The following LAMC3 variants were observed in gnomAD, a reference collection of about 807,000 sequenced individuals.
LAMC3 encodes laminin subunit gamma 3.
In LAMC3, 128 loss-of-function variants were observed where a neutral mutation model predicts 173.8. The ratio of observed to expected loss-of-function variants is 0.74; its 90% CI spans 0.64 to 0.85. The LOEUF (loss-of-function observed/expected upper bound fraction) is 0.85. Among genes scored for constraint, LAMC3 ranks in the 40% least tolerant of loss-of-function variants. The pLI is 0.00. For synonymous variants in LAMC3, 897 were observed against 909.1 expected (o/e 0.99, Z 0.24); for missense variants, 2,022 against 2,156.0 (o/e 0.94, Z 1.23).
intron 13 of LAMC3, among the ~76,000 whole-genome samples, chr9:131,064,057 A>G (rs1360911131): frequency 6.6e-6 from 1 of 152,066 alleles, no homozygotes; most frequent in Non-Finnish European, 1.5e-5. Flanking sequence ...ACAGGCATGC[A>G]CCACCATGCC....
chr9:131,056,057 G>A (rs979381089), intron 11 of LAMC3, among the ~76,000 whole-genome samples: 4 of 151,860 alleles, frequency 2.6e-5, no homozygotes, highest in Non-Finnish European at 5.9e-5. Context: ...TTAGCTGGGT[G>A]TGGTGCCACA....
chr9:131,023,306 C>T (rs540871681), intron 1 of LAMC3, among the ~76,000 whole-genome samples: 1 of 152,282 alleles, frequency 6.6e-6, no homozygotes, highest in South Asian at 2.1e-4. Context: ...AGTGGAATTG[C>T]TAGGTCCTGT....
chr9:131,085,937 G>A, intron 25 of LAMC3: 1 of 627,974 alleles, frequency 1.6e-6, no homozygotes, highest in Non-Finnish European at 2.9e-6. Context: ...TGAGAATGCT[G>A]AGGTGCAGCC....
chr9:131,078,110 G>GCCTTATACTCATCA (rs1461485543), intron 22 of LAMC3, among the ~76,000 whole-genome samples: 1 of 152,106 alleles, frequency 6.6e-6, no homozygotes, highest in Non-Finnish European at 1.5e-5. Flanking sequence ...TGTGCTCATC[G>GCCTTATACTCATCA]CCTTATACTC....
At chr9:131,073,363 C>CT in intron 20 of LAMC3, 42 bp downstream of exon 20, 1 of 1,491,802 alleles carries the variant, frequency 6.7e-7, no homozygotes, top group African/African-American at 1.4e-5. Flanking sequence ...GGCCCTTCTC[C>CT]TGGGGGTTCC....
chr9:131,079,024 G>A, intron 22 of LAMC3, 125 bp from the exon 23 acceptor site: 2 of 1,230,050 alleles, frequency 1.6e-6, no homozygotes, highest in Non-Finnish European at 2.3e-6. Flanking sequence ...AGGGGGCTTG[G>A]GTTCTTGGCT....
chr9:131,091,618 G>A lies in LAMC3; in HGVS notation c.4559G>A (p.Gly1520Asp). The change falls in exon 28 of 28, where the codon GGC (glycine) becomes GAC (aspartate). Residue 1520 changes from glycine (G) to aspartate (D), a missense_variant. Gly to Asp is a moderately conservative substitution (Grantham distance 94). Coordinates refer to ENST00000361069, the MANE Select transcript of LAMC3 (RefSeq NM_006059.4). ...WALERLRLQLGSPGSLQRKLS... is the reference protein window; with the variant it reads ...WALERLRLQLDSPGSLQRKLS... ...CTAGAACGCCTGAGGCTGCAGCTGG[G>A]CTCCCCGGGGTCCTTGCAGAGGAAA... 1.3e-6 allele frequency: 2 copies of A among 1,595,644 alleles called. No homozygotes were observed. Among genetic ancestry groups the A allele is most frequent in the Non-Finnish European group, 1.7e-6 (2 of 1,171,468 alleles).
chr9:131,052,914 G>C lies in LAMC3; in HGVS notation c.1888G>C (p.Ala630Pro), dbSNP rs757212621. Residue 630 changes from alanine to proline, a missense_variant, in exon 11 of 28, where the codon GCC becomes CCC. Coordinates refer to ENST00000361069, the MANE Select transcript of LAMC3 (RefSeq NM_006059.4). Reference protein sequence around the residue: ...LPPFHFQRLLANLTSLRLRVS... With the variant: ...LPPFHFQRLLPNLTSLRLRVS... The stretch of plus-strand genomic sequence containing the variant: ...CCCCTTCCACTTCCAGCGGCTCCTC[G>C]CCAACCTGACCAGCCTCCGCCTCCG... 1.2e-6 allele frequency: 2 copies of C among 1,613,460 alleles called. No homozygotes were observed. Among genetic ancestry groups the C allele is most frequent in the Admixed American group, 1.7e-5 (1 of 59,962 alleles).
intron 9 of LAMC3, 106 bp downstream of exon 9, chr9:131,049,236 T>TA (rs1277048486): frequency 1.3e-6 from 1 of 755,172 alleles, no homozygotes; most frequent in Non-Finnish European, 2.4e-6. Flanking sequence ...TTTATTCTCT[T>TA]AGAGTTCTGG....
At position 131,087,636 on chromosome 9, in the gene LAMC3, G is replaced by A. The variant is rs1484046556; in HGVS notation, c.4377+14G>A. On this transcript the variant is annotated intron_variant, in intron 26 of 27. Coordinates refer to ENST00000361069, the MANE Select transcript of LAMC3 (RefSeq NM_006059.4). ...GAAGCTGAGCGGGTACGTTTGCCAG[G>A]GCCCCTACCCTATCGCCTCCTGCCC... The A allele has an allele frequency of 3.7e-6, 6 of 1,613,810 alleles. No individual in the cohort carries two copies. The highest frequency in any genetic ancestry group is 4.2e-6 in the Non-Finnish European group (5 of 1,179,880).
chr9:131,072,408 A>G (rs1830050704), intron 18 of LAMC3, among the ~76,000 whole-genome samples: 1 of 152,136 alleles, frequency 6.6e-6, no homozygotes, highest in African/African-American at 2.4e-5. Context: ...GTCCCTGTGT[A>G]TGACTGACTT....
At chr9:131,063,808 A>G (rs1359283857) in intron 13 of LAMC3, among the ~76,000 whole-genome samples, 3 of 152,126 alleles carry the variant, frequency 2.0e-5, no homozygotes, top group Admixed American at 6.6e-5. Flanking sequence ...TTTAGAATCC[A>G]CAAGGCAGGT....
At chr9:131,046,220 T>C (rs185976983) in intron 8 of LAMC3, among the ~76,000 whole-genome samples, 2 of 127,040 alleles carry the variant, frequency 1.6e-5, no homozygotes, top group Non-Finnish European at 3.2e-5. Context: ...GGACACAGGG[T>C]CTTGCTGAGT....
chr9:131,019,806 A>C (rs1201454243), intron 1 of LAMC3, among the ~76,000 whole-genome samples: 1 of 151,904 alleles, frequency 6.6e-6, no homozygotes, highest in African/African-American at 2.4e-5. Context: ...GTGCCCATGG[A>C]GACATGGAGG....
chr9:131,027,529 TC>T (rs1833744593), intron 2 of LAMC3, among the ~76,000 whole-genome samples: 1 of 152,140 alleles, frequency 6.6e-6, no homozygotes, highest in East Asian at 1.9e-4. Context: ...AGCTGCATTG[TC>T]CCATGTGGTG....
At chr9:131,085,277 C>T (rs1471669947) in intron 24 of LAMC3, among the ~76,000 whole-genome samples, 1 of 152,216 alleles carries the variant, frequency 6.6e-6, no homozygotes, top group Non-Finnish European at 1.5e-5. Context: ...AATTCCTTGA[C>T]TTTAATAGAC....
At chr9:131,031,580 C>T (rs566269443) in intron 2 of LAMC3, among the ~76,000 whole-genome samples, 91 of 152,268 alleles carry the variant, frequency 6.0e-4, no homozygotes, top group Non-Finnish European at 1.1e-3. Flanking sequence ...GGGGGCACAC[C>T]GTCCCCCAGC....
chr9:131,054,861 A>G (rs952537840), intron 11 of LAMC3, among the ~76,000 whole-genome samples: 3 of 152,070 alleles, frequency 2.0e-5, no homozygotes, highest in African/African-American at 7.2e-5. Context: ...GGAAAAGAAA[A>G]GAAAGAAAGG....
chr9:131,032,607 T>TCTC (rs1833858680), intron 3 of LAMC3, among the ~76,000 whole-genome samples: 2 of 138,092 alleles, frequency 1.4e-5, no homozygotes, highest in Non-Finnish European at 3.0e-5. Flanking sequence ...TCGCTTTCTC[T>TCTC]CTCTCTCTCT....
Sources: gnomAD v4.1 joint callset for allele counts (sites outside exome capture counted in the v4.1 genomes callset) on GRCh38, gnomAD v4.1.1 for gene constraint, MANE v1.5 for transcripts, NCBI Gene and HGNC (gene_info 2026-07-23, HGNC 2026-07-21) for gene names.